PDE10A: variants seen among roughly 807,000 people sequenced by gnomAD.
PDE10A encodes the protein phosphodiesterase 10A.
Under a neutral mutation model 97.7 loss-of-function variants are expected in PDE10A, and 39 were observed. That is an observed-to-expected ratio of 0.40 (90% CI 0.31 to 0.52). PDE10A has a LOEUF of 0.52. Ranked by LOEUF, PDE10A falls within the 20% of genes least tolerant of loss-of-function variation. PDE10A has a pLI of 0.56. For missense variants in PDE10A, 731 were observed against 1,047.8 expected (o/e 0.70, Z 4.17); for synonymous variants, 371 against 376.8 (o/e 0.98, Z 0.18).
At chr6:165,553,289 T>A (rs150077065) in intron 1 of PDE10A, among the ~76,000 whole-genome samples, 1,893 of 152,220 alleles carry the variant, frequency 0.012, 162 homozygotes, top group Admixed American at 0.12. Context: ...ATGGAGGTTA[T>A]CCAGGTGACA....
chr6:165,566,960 G>A (rs1054889313), intron 1 of PDE10A, among the ~76,000 whole-genome samples: 5 of 152,072 alleles, frequency 3.3e-5, no homozygotes, highest in African/African-American at 1.2e-4. Context: ...CCTTAAAAGT[G>A]CATACTTAAG....
intron 1 of PDE10A, among the ~76,000 whole-genome samples, chr6:165,891,362 G>T (rs1185280293): frequency 6.6e-6 from 1 of 152,164 alleles, no homozygotes; most frequent in African/African-American, 2.4e-5. Flanking sequence ...TTGTCACTCA[G>T]CCCTGTTACC....
At chr6:165,382,011 G>C (rs1750921624) in intron 17 of PDE10A, among the ~76,000 whole-genome samples, 1 of 152,028 alleles carries the variant, frequency 6.6e-6, no homozygotes, top group African/African-American at 2.4e-5. Flanking sequence ...GTTAATTCAA[G>C]CTAGTTGATT....
At chr6:165,462,539 G>A (rs9356360) in intron 3 of PDE10A, among the ~76,000 whole-genome samples, 11,665 of 152,272 alleles carry the variant, frequency 0.077, 686 homozygotes, top group Admixed American at 0.18. Flanking sequence ...CTTATCATGA[G>A]CCAGATGCCG....
At chr6:165,408,509 T>C (rs1317442384) in intron 13 of PDE10A, among the ~76,000 whole-genome samples, 1 of 152,158 alleles carries the variant, frequency 6.6e-6, no homozygotes, top group African/African-American at 2.4e-5. Flanking sequence ...GTTCGTGGCA[T>C]CAACCTTTTC....
chr6:165,935,870 T>G (rs1419408135), intron 1 of PDE10A, among the ~76,000 whole-genome samples: 1 of 152,194 alleles, frequency 6.6e-6, no homozygotes. Flanking sequence ...GCAAGAAGGT[T>G]CTCACAAGAT....
rs187611025 is a variant in PDE10A, at chr6:165,699,470, T to C, written c.-614-155902A>G. 2.5e-3 allele frequency among the ~76,000 whole-genome samples: 382 copies of C among 152,232 alleles called. 1 individual carries two copies. Among genetic ancestry groups the C allele is most frequent in the Non-Finnish European group, 4.1e-3 (281 of 68,014 alleles). On this transcript the variant is annotated intron_variant, in intron 1 of 19. Transcript: ENST00000366882. ...TCAGATCAACAGGGAAATAGAAGACTTGGATAACACCGTAAACAAACTGGA... is the reference window on the plus strand; with the variant it reads ...TCAGATCAACAGGGAAATAGAAGACCTGGATAACACCGTAAACAAACTGGA...
chr6:165,505,511 T>G (rs78328507), intron 2 of PDE10A, among the ~76,000 whole-genome samples: 1 of 152,156 alleles, frequency 6.6e-6, no homozygotes, highest in African/African-American at 2.4e-5. Context: ...AATATGATAC[T>G]TTTTTAAAAA....
intron 21 of PDE10A, among the ~76,000 whole-genome samples, chr6:165,333,329 CA>C (rs1170757552): frequency 1.3e-5 from 2 of 152,146 alleles, no homozygotes; most frequent in Admixed American, 1.3e-4. Flanking sequence ...GCCAGAGGGT[CA>C]GGGGCACCTT....
At chr6:165,941,585 G>C (rs1783520800) in intron 1 of PDE10A, among the ~76,000 whole-genome samples, 1 of 152,164 alleles carries the variant, frequency 6.6e-6, no homozygotes, top group South Asian at 2.1e-4. Flanking sequence ...CTTCCTGATA[G>C]AGTTCTCACG....
intron 1 of PDE10A, among the ~76,000 whole-genome samples, chr6:165,715,985 A>G (rs1792016988): frequency 2.0e-5 from 3 of 152,112 alleles, no homozygotes; most frequent in African/African-American, 2.4e-5. Flanking sequence ...TGCCCACGGA[A>G]GCCTCCCCTC....
chr6:165,632,787 T>C (rs1788693916), intron 1 of PDE10A, among the ~76,000 whole-genome samples: 1 of 152,142 alleles, frequency 6.6e-6, no homozygotes, highest in Non-Finnish European at 1.5e-5. Flanking sequence ...GAGTGTTCCT[T>C]TGGGCACATG....
chr6:165,908,225 C>G (rs370844682), intron 1 of PDE10A, among the ~76,000 whole-genome samples: 1 of 152,200 alleles, frequency 6.6e-6, no homozygotes, highest in East Asian at 1.9e-4. Flanking sequence ...TGTCCCTGTT[C>G]GCAGAGAGCC....
At chr6:165,565,398 T>C (rs1208721692) in intron 1 of PDE10A, among the ~76,000 whole-genome samples, 1 of 152,010 alleles carries the variant, frequency 6.6e-6, no homozygotes, top group African/African-American at 2.4e-5. Flanking sequence ...ACAAAATAGA[T>C]ACAAACTCTA....
At chr6:165,524,909 A>G (rs1424950400) in intron 2 of PDE10A, among the ~76,000 whole-genome samples, 3 of 152,092 alleles carry the variant, frequency 2.0e-5, no homozygotes, top group African/African-American at 7.2e-5. Context: ...CTTTTTTGCC[A>G]GAAGAAACAG....
chr6:165,811,803 G>C (rs1779290142), intron 1 of PDE10A, among the ~76,000 whole-genome samples: 1 of 152,116 alleles, frequency 6.6e-6, no homozygotes. Context: ...TTTTAATTTT[G>C]TCTTATGCTG....
chr6:165,558,235 A>C (rs1446198407), intron 1 of PDE10A, among the ~76,000 whole-genome samples: 2 of 152,258 alleles, frequency 1.3e-5, no homozygotes, highest in Non-Finnish European at 2.9e-5. Context: ...CTGGATAAAG[A>C]AAATGTGGCA....
intron 1 of PDE10A, among the ~76,000 whole-genome samples, chr6:165,738,021 T>A (rs1252252910): frequency 6.6e-6 from 1 of 152,080 alleles, no homozygotes; most frequent in East Asian, 1.9e-4. Flanking sequence ...TTTATTTTTT[T>A]ATTATTATAC....
chr6:165,347,058 GTTCAA>G (rs1482208634), intron 18 of PDE10A, among the ~76,000 whole-genome samples: 1 of 149,374 alleles, frequency 6.7e-6, no homozygotes, highest in Non-Finnish European at 1.5e-5. Flanking sequence ...AAGAAACTAG[GTTCAA>G]TTCTTTTTTT....
Sources: allele counts gnomAD v4.1 joint callset (sites outside exome capture counted in the v4.1 genomes callset), GRCh38; gene constraint gnomAD v4.1.1; transcripts MANE v1.5; gene names NCBI Gene and HGNC (gene_info 2026-07-23, HGNC 2026-07-21).